Variants in PTPRD observed in about 807,000 individuals in gnomAD.
PTPRD encodes protein tyrosine phosphatase receptor type D.
In PTPRD, 34 loss-of-function variants were observed where a neutral mutation model predicts 214.5. That is an observed-to-expected ratio of 0.16 (90% CI 0.12 to 0.21). The LOEUF (loss-of-function observed/expected upper bound fraction) is 0.21, where lower values mean the gene tolerates loss of function less well. Among genes scored for constraint, PTPRD ranks in the 10% least tolerant of loss-of-function variants. The probability of loss-of-function intolerance (pLI) is 1.00; values close to 1 mark genes in which losing one functional copy is unlikely to be tolerated. For synonymous variants in PTPRD, 1,128 were observed against 845.7 expected (o/e 1.33, Z -5.79); for missense variants, 2,545 against 2,398.7 (o/e 1.06, Z -1.27).
At chr9:9,370,592 A>G (rs1331237260) in intron 9 of PTPRD, among the ~76,000 whole-genome samples, 1 of 151,532 alleles carries the variant, frequency 6.6e-6, no homozygotes, top group African/African-American at 2.4e-5. Flanking sequence ...TCCTAATTGA[A>G]TACCCTTTAT....
At chr9:8,485,136 A>T in intron 29 of PTPRD, 91 bp downstream of exon 29, 1 of 1,058,198 alleles carries the variant, frequency 9.5e-7, no homozygotes, top group Non-Finnish European at 1.4e-6. Context: ...GCCAAAACAA[A>T]GTGGTCTGCT....
chr9:8,546,924 T>C (rs1463283932), intron 14 of PTPRD, among the ~76,000 whole-genome samples: 1 of 152,240 alleles, frequency 6.6e-6, no homozygotes, highest in Admixed American at 6.5e-5. Context: ...AATTGTGGTT[T>C]ATTTAGCAAA....
chr9:9,723,364 C>T (rs1305860420), intron 7 of PTPRD, among the ~76,000 whole-genome samples: 2 of 152,052 alleles, frequency 1.3e-5, no homozygotes, highest in African/African-American at 4.8e-5. Flanking sequence ...CAATTCTATT[C>T]CATTGATTTA....
intron 30 of PTPRD, among the ~76,000 whole-genome samples, chr9:8,473,194 T>G (rs1227935137): frequency 6.6e-6 from 1 of 152,178 alleles, no homozygotes; most frequent in Non-Finnish European, 1.5e-5. Context: ...TTCTCCATGG[T>G]GCCCTGAGCA....
intron 3 of PTPRD, among the ~76,000 whole-genome samples, chr9:10,200,668 T>A (rs2099416159): frequency 2.0e-5 from 3 of 151,990 alleles, no homozygotes; most frequent in South Asian, 2.1e-4. Context: ...CAAGGGGAGT[T>A]ATTGCAGAAA....
intron 14 of PTPRD, among the ~76,000 whole-genome samples, chr9:8,606,474 G>C (rs1194361079): frequency 6.6e-6 from 1 of 152,114 alleles, no homozygotes; most frequent in African/African-American, 2.4e-5. Flanking sequence ...CTATGTGCAA[G>C]CATCAAGAAT....
intron 2 of PTPRD, among the ~76,000 whole-genome samples, chr9:10,594,449 AT>A (rs1464228571): frequency 6.6e-6 from 1 of 152,054 alleles, no homozygotes; most frequent in Non-Finnish European, 1.5e-5. Context: ...AAGAAGCTTA[AT>A]AAAGCAAAAA....
intron 30 of PTPRD, among the ~76,000 whole-genome samples, chr9:8,479,340 C>T (rs912175093): frequency 1.2e-4 from 19 of 152,158 alleles, no homozygotes; most frequent in African/African-American, 4.3e-4. Context: ...TAGTCTTTCA[C>T]TCATTTCTTC....
At chr9:9,134,338 G>A (rs1450603969) in intron 10 of PTPRD, among the ~76,000 whole-genome samples, 2 of 136,872 alleles carry the variant, frequency 1.5e-5, no homozygotes, top group Non-Finnish European at 3.0e-5. Context: ...CTCCCAAAGT[G>A]CTGGGATTAC....
intron 3 of PTPRD, among the ~76,000 whole-genome samples, chr9:10,258,297 T>C (rs1188349706): frequency 1.3e-5 from 2 of 152,270 alleles, no homozygotes; most frequent in African/African-American, 2.4e-5. Flanking sequence ...TGCATGGTCA[T>C]GGGAGCTGAG....
chr9:10,423,803 T>A (rs988969555), intron 2 of PTPRD, among the ~76,000 whole-genome samples: 2 of 151,998 alleles, frequency 1.3e-5, no homozygotes, highest in African/African-American at 4.8e-5. Context: ...ATGACGTGTA[T>A]ACAGACATGG....
At chr9:10,112,556 C>T (rs2098700186) in intron 3 of PTPRD, among the ~76,000 whole-genome samples, 1 of 152,046 alleles carries the variant, frequency 6.6e-6, no homozygotes, top group Non-Finnish European at 1.5e-5. Context: ...AACTGTTTTA[C>T]AACCAGGATG....
chr9:9,950,372 T>C (rs539850998), intron 4 of PTPRD, among the ~76,000 whole-genome samples: 1 of 152,214 alleles, frequency 6.6e-6, no homozygotes, highest in African/African-American at 2.4e-5. Flanking sequence ...GGTGGAGAAA[T>C]TTCTCACTTT....
intron 7 of PTPRD, among the ~76,000 whole-genome samples, chr9:9,631,591 A>T (rs2154359889): frequency 6.6e-6 from 1 of 152,272 alleles, no homozygotes; most frequent in East Asian, 1.9e-4. Context: ...GAGAAAATAC[A>T]AGTCAAGTAG....
chr9:9,857,686 TCAGGCAG>T (rs1166396678), intron 5 of PTPRD, among the ~76,000 whole-genome samples: 1 of 152,228 alleles, frequency 6.6e-6, no homozygotes. Context: ...GGTAGTTAAG[TCAGGCAG>T]CAGACAGAAG....
At chr9:8,729,649 T>A (rs145918609) in intron 12 of PTPRD, among the ~76,000 whole-genome samples, 1 of 152,138 alleles carries the variant, frequency 6.6e-6, no homozygotes, top group Non-Finnish European at 1.5e-5. Flanking sequence ...TCATCCACAT[T>A]TTAAAAATAG....
At chr9:8,522,953 CT>C (rs2097920071) in intron 19 of PTPRD, among the ~76,000 whole-genome samples, 1 of 152,130 alleles carries the variant, frequency 6.6e-6, no homozygotes, top group African/African-American at 2.4e-5. Flanking sequence ...TAAACCTCCG[CT>C]TATTTGAGAT....
intron 7 of PTPRD, among the ~76,000 whole-genome samples, chr9:9,654,811 T>C (rs552198218): frequency 3.7e-4 from 57 of 152,258 alleles, no homozygotes; most frequent in African/African-American, 1.3e-3. Flanking sequence ...GTATAACAAA[T>C]GACTTTCTCT....
intron 8 of PTPRD, among the ~76,000 whole-genome samples, chr9:9,522,682 GAAAA>G (rs1467699502): frequency 6.6e-6 from 1 of 151,894 alleles, no homozygotes; most frequent in African/African-American, 2.4e-5. Flanking sequence ...TAATAAAAAA[GAAAA>G]AATAAATTTT....
Sources: gnomAD v4.1 joint callset for allele counts (sites outside exome capture counted in the v4.1 genomes callset) on GRCh38, gnomAD v4.1.1 for gene constraint, MANE v1.5 for transcripts, NCBI Gene and HGNC (gene_info 2026-07-23, HGNC 2026-07-21) for gene names.